The following VAT1L variants were observed in gnomAD, a reference collection of about 807,000 sequenced individuals.
The protein encoded by VAT1L is putative NADPH-dependent quinone oxidoreductase VAT1L.
Under a neutral mutation model 44.1 loss-of-function variants are expected in VAT1L, and 34 were observed. That is an observed-to-expected ratio of 0.77 (90% CI 0.59 to 1.03). The LOEUF is 1.03. VAT1L is among the 50% of genes least tolerant of loss of function. The pLI, the probability that VAT1L is intolerant of heterozygous loss-of-function variation, is 0.00. For missense variants in VAT1L, 615 were observed against 538.8 expected, an observed-to-expected ratio of 1.14 and a Z score of -1.40; for synonymous variants, 253 against 202.2, an observed-to-expected ratio of 1.25 and a Z score of -2.13.
At chr16:77,829,429 C>T (rs1270100501) in intron 3 of VAT1L, among the ~76,000 whole-genome samples, 1 of 152,128 alleles carries the variant, frequency 6.6e-6, no homozygotes, top group Non-Finnish European at 1.5e-5. Context: ...GTGAGGAATA[C>T]CAAACTTAGC....
chr16:77,845,340 G>T (rs934050669), intron 3 of VAT1L, among the ~76,000 whole-genome samples: 1 of 152,172 alleles, frequency 6.6e-6, no homozygotes, highest in Non-Finnish European at 1.5e-5. Context: ...GTGGCAGTAT[G>T]TTCCTGAGTG....
At chr16:77,955,450 C>T (rs1254932482) in intron 7 of VAT1L, among the ~76,000 whole-genome samples, 5 of 152,150 alleles carry the variant, frequency 3.3e-5, no homozygotes, top group East Asian at 1.9e-4. Context: ...TGGGGCCGGG[C>T]GTGGTGGCTC....
chr16:77,918,471 C>G (rs1436734726), intron 7 of VAT1L, among the ~76,000 whole-genome samples: 1 of 152,136 alleles, frequency 6.6e-6, no homozygotes, highest in Non-Finnish European at 1.5e-5. Context: ...CACCATCATC[C>G]TGCCGTTAGA....
At chr16:77,864,520 C>T (rs531902511) in intron 4 of VAT1L, among the ~76,000 whole-genome samples, 4 of 152,232 alleles carry the variant, frequency 2.6e-5, no homozygotes, top group South Asian at 2.1e-4. Context: ...GTGGGTGGAT[C>T]GCTTGATCCC....
At chr16:77,801,649 C>T (rs1387113535) in intron 1 of VAT1L, 1 of 151,994 alleles carries the variant, frequency 6.6e-6, no homozygotes, top group African/African-American at 2.4e-5. Flanking sequence ...ACTCCTACCC[C>T]TCCTCCCAAC....
chr16:77,818,479 G>A (rs1264264170), intron 2 of VAT1L, among the ~76,000 whole-genome samples: 1 of 152,098 alleles, frequency 6.6e-6, no homozygotes, highest in Non-Finnish European at 1.5e-5. Context: ...CCCTGAAAGT[G>A]CTGCACATAA....
chr16:77,865,404 A>G (rs544891308), intron 4 of VAT1L, among the ~76,000 whole-genome samples: 12 of 152,266 alleles, frequency 7.9e-5, no homozygotes, highest in African/African-American at 9.6e-5. Context: ...CATGAATACA[A>G]TTGCTTAATA....
intron 7 of VAT1L, among the ~76,000 whole-genome samples, chr16:77,911,302 G>T (rs1034074081): frequency 6.6e-6 from 1 of 152,206 alleles, no homozygotes; most frequent in Non-Finnish European, 1.5e-5. Context: ...AAACAATGAG[G>T]TGATTGGTGG....
chr16:77,852,200 CCT>C lies in VAT1L; in HGVS notation c.580-10538_580-10537del, dbSNP rs1006955341. Reference sequence around the variant, plus strand: ...ATACCATGAGGTGAAAGTGGACTGACCTCTCTCTCTCAGCTAGAGCAGAGGAG... The same window carrying C: ...ATACCATGAGGTGAAAGTGGACTGACCTCTCTCTCAGCTAGAGCAGAGGAG... On this transcript the variant is annotated intron_variant, in intron 3 of 8. Coordinates refer to ENST00000302536, the MANE Select transcript of VAT1L (RefSeq NM_020927.3). 1.1e-3 allele frequency among the ~76,000 whole-genome samples: 175 copies of C among 152,236 alleles called. 3 individuals carry two copies. The highest frequency in any genetic ancestry group is 6.9e-4 in the Non-Finnish European group (47 of 68,024).
intron 3 of VAT1L, among the ~76,000 whole-genome samples, chr16:77,833,621 T>G (rs576255037): frequency 1.3e-5 from 2 of 151,856 alleles, no homozygotes; most frequent in Non-Finnish European, 2.9e-5. Context: ...CATGGTGGCG[T>G]GTGCCTGTAA....
intron 7 of VAT1L, among the ~76,000 whole-genome samples, chr16:77,911,909 A>C (rs928873420): frequency 1.3e-5 from 2 of 152,286 alleles, no homozygotes; most frequent in Admixed American, 6.5e-5. Flanking sequence ...GGATAGAAAT[A>C]GTTCACTTAA....
intron 1 of VAT1L, among the ~76,000 whole-genome samples, chr16:77,810,469 C>T (rs1469886040): frequency 6.6e-6 from 1 of 152,058 alleles, no homozygotes; most frequent in Non-Finnish European, 1.5e-5. Context: ...AATGGAATCT[C>T]CAAAGTACTC....
intron 7 of VAT1L, among the ~76,000 whole-genome samples, chr16:77,921,380 A>T (rs1436743861): frequency 6.6e-6 from 1 of 152,196 alleles, no homozygotes; most frequent in Admixed American, 6.5e-5. Flanking sequence ...CGGGTGCTTG[A>T]TAACTTTATC....
intron 4 of VAT1L, among the ~76,000 whole-genome samples, chr16:77,863,482 G>A (rs1026057177): frequency 6.6e-6 from 1 of 152,244 alleles, no homozygotes; most frequent in African/African-American, 2.4e-5. Context: ...GGCACTGGCA[G>A]TAAAGGGTGG....
rs560203610 is a variant in VAT1L at position 77,857,174 on chromosome 16, T to C, written c.580-5574T>C. Reference sequence around the variant, plus strand: ...AAAAACAAGCGCATGCAAATCGTCATTTACTGCAGTGACTGGGAGAATGGA... The same window carrying C: ...AAAAACAAGCGCATGCAAATCGTCACTTACTGCAGTGACTGGGAGAATGGA... On this transcript the variant is annotated intron_variant, in intron 3 of 8. Transcript: ENST00000302536. 3.9e-5 allele frequency among the ~76,000 whole-genome samples: 6 copies of C among 152,342 alleles called. No homozygotes were observed. In the East Asian group the frequency reaches 9.6e-4, roughly 24 times the overall value.
intron 1 of VAT1L, among the ~76,000 whole-genome samples, chr16:77,807,533 TC>T (rs1246791846): frequency 7.9e-5 from 12 of 152,118 alleles, no homozygotes; most frequent in African/African-American, 2.9e-4. Flanking sequence ...CTTCTCCCCG[TC>T]CCCAGTCCAG....
chr16:77,975,033 T>G (rs992379615), intron 8 of VAT1L, among the ~76,000 whole-genome samples: 1 of 151,788 alleles, frequency 6.6e-6, no homozygotes, highest in African/African-American at 2.4e-5. Context: ...GACATGGAGA[T>G]GCAGGAGGGA....
intron 4 of VAT1L, among the ~76,000 whole-genome samples, chr16:77,867,479 T>A (rs998691728): frequency 1.3e-5 from 2 of 152,044 alleles, no homozygotes; most frequent in African/African-American, 4.8e-5. Context: ...CATTCATTCA[T>A]TCATTCATGT....
chr16:77,834,021 C>CT lies in VAT1L; in HGVS notation c.579+8561dup, dbSNP rs1201233629. Reference sequence around the variant, plus strand: ...CAACAGGCTTCCTCATTAGTTTCCTCTCCTTATTCTTTTCACTCCTTACTT... The same window carrying CT: ...CAACAGGCTTCCTCATTAGTTTCCTCTTCCTTATTCTTTTCACTCCTTACTT... On this transcript the variant is annotated intron_variant, in intron 3 of 8. Transcript: ENST00000302536. Among the ~76,000 whole-genome samples the CT allele has an allele frequency of 1.1e-4, 16 of 152,286 alleles. No homozygotes were observed. In the East Asian group the frequency reaches 3.1e-3, roughly 29 times the overall value.
Sources: allele counts gnomAD v4.1 joint callset (sites outside exome capture counted in the v4.1 genomes callset), GRCh38; gene constraint gnomAD v4.1.1; transcripts MANE v1.5; gene names NCBI Gene and HGNC (gene_info 2026-07-23, HGNC 2026-07-21).